Variants in ADAM9 observed in about 807,000 individuals in gnomAD.
ADAM9 encodes the protein disintegrin and metalloproteinase domain-containing protein 9.
ADAM9 carries 54 observed loss-of-function variants against 108.1 expected under a neutral mutation model. The observed-to-expected ratio is 0.50, with a 90% CI of 0.40 to 0.63. ADAM9 has a LOEUF of 0.63. Ranked by LOEUF, ADAM9 falls within the 20% of genes least tolerant of loss-of-function variation. The pLI is 0.00. For synonymous variants in ADAM9, 316 were observed against 336.0 expected (o/e 0.94, Z 0.65); for missense variants, 830 against 997.7 (o/e 0.83, Z 2.26).
At chr8:39,035,530 A>T (rs913123641) in intron 11 of ADAM9, among the ~76,000 whole-genome samples, 9 of 152,074 alleles carry the variant, frequency 5.9e-5, no homozygotes, top group African/African-American at 2.2e-4. Flanking sequence ...TTTAAGAATA[A>T]TTTCTAGACC....
At chr8:39,090,558 G>C (rs1423478477) in intron 19 of ADAM9, among the ~76,000 whole-genome samples, 1 of 152,162 alleles carries the variant, frequency 6.6e-6, no homozygotes, top group East Asian at 1.9e-4. Context: ...TTATTTCTCT[G>C]ACCTTTTGAC....
chr8:39,034,910 A>T (rs1163178406), intron 11 of ADAM9, among the ~76,000 whole-genome samples: 1 of 152,330 alleles, frequency 6.6e-6, no homozygotes, highest in East Asian at 1.9e-4. Context: ...ACATTTACAC[A>T]TATATGTCTT....
chr8:39,035,480 T>C (rs1837240523), intron 11 of ADAM9, among the ~76,000 whole-genome samples: 1 of 152,222 alleles, frequency 6.6e-6, no homozygotes, highest in South Asian at 2.1e-4. Context: ...TGGCTTCATG[T>C]GGTATTTTAT....
chr8:39,014,215 T>G, intron 4 of ADAM9, 172 bp downstream of exon 4: 1 of 633,166 alleles, frequency 1.6e-6, no homozygotes, highest in Non-Finnish European at 2.8e-6. Flanking sequence ...TAGACTAAGC[T>G]GTACCTTACA....
intron 1 of ADAM9, among the ~76,000 whole-genome samples, chr8:39,004,666 T>G (rs970812067): frequency 1.3e-5 from 2 of 152,118 alleles, no homozygotes; most frequent in African/African-American, 2.4e-5. Context: ...ATACTGATAG[T>G]TGCTTCTTGG....
intron 12 of ADAM9, among the ~76,000 whole-genome samples, chr8:39,043,819 C>G (rs1190167583): frequency 6.6e-6 from 1 of 152,134 alleles, no homozygotes; most frequent in African/African-American, 2.4e-5. Flanking sequence ...TGTTATTCCA[C>G]TCTGTACATC....
chr8:39,082,196 TGA>T (rs1839045349), intron 16 of ADAM9, among the ~76,000 whole-genome samples: 1 of 152,160 alleles, frequency 6.6e-6, no homozygotes, highest in African/African-American at 2.4e-5. Flanking sequence ...AAAATTAAAA[TGA>T]GTTTTAAATA....
intron 4 of ADAM9, chr8:39,014,815 C>CA (rs900014335): frequency 2.0e-4 from 65 of 333,252 alleles, no homozygotes; most frequent in Middle Eastern, 6.8e-4. Flanking sequence ...AAATAGGAGG[C>CA]AAAAAAATCT....
At chr8:39,080,944 G>A (rs1839002020) in intron 16 of ADAM9, among the ~76,000 whole-genome samples, 1 of 137,766 alleles carries the variant, frequency 7.3e-6, no homozygotes, top group Non-Finnish European at 1.5e-5. Context: ...TTCCCACTGT[G>A]AGAGTTTTTT....
intron 14 of ADAM9, among the ~76,000 whole-genome samples, chr8:39,059,331 C>G (rs981822801): frequency 2.0e-5 from 3 of 152,196 alleles, no homozygotes; most frequent in Admixed American, 6.5e-5. Context: ...AACCTGCCAC[C>G]AGGCAGCTGA....
At chr8:39,074,659 G>A (rs912455476) in intron 15 of ADAM9, among the ~76,000 whole-genome samples, 5 of 151,660 alleles carry the variant, frequency 3.3e-5, no homozygotes, top group Non-Finnish European at 7.4e-5. Flanking sequence ...TTTATAGCCG[G>A]CATTTTCCAA....
At chr8:39,044,228 A>C (rs937054086) in intron 12 of ADAM9, among the ~76,000 whole-genome samples, 1 of 152,100 alleles carries the variant, frequency 6.6e-6, no homozygotes, top group African/African-American at 2.4e-5. Flanking sequence ...TTCAGGCCTT[A>C]TGTTTAAGTC....
chr8:38,999,825 G>A (rs774037784), intron 1 of ADAM9, among the ~76,000 whole-genome samples: 5 of 152,202 alleles, frequency 3.3e-5, no homozygotes, highest in Non-Finnish European at 7.3e-5. Flanking sequence ...TCCCCCAAAA[G>A]ATGCAAGCTC....
At chr8:39,005,382 C>T (rs1836129586) in intron 1 of ADAM9, among the ~76,000 whole-genome samples, 2 of 152,124 alleles carry the variant, frequency 1.3e-5, no homozygotes, top group Non-Finnish European at 1.5e-5. Context: ...TAAGCTTATC[C>T]TGCATTCCTA....
intron 9 of ADAM9, among the ~76,000 whole-genome samples, chr8:39,025,239 C>A (rs1024232888): frequency 6.6e-6 from 1 of 152,034 alleles, no homozygotes; most frequent in Non-Finnish European, 1.5e-5. Context: ...TACAGATGTG[C>A]GCCACCATGG....
intron 11 of ADAM9, 24 bp downstream of exon 11, chr8:39,026,834 C>G: frequency 7.5e-7 from 1 of 1,337,768 alleles, no homozygotes; most frequent in South Asian, 1.2e-5. Context: ...TTCTTCTTCT[C>G]CTTTATTTGG....
chr8:39,045,410 G>GTGTGTGTA lies in ADAM9; in HGVS notation c.1302+3293_1302+3294insTGTGTGTA, dbSNP rs1564301556. 1.8e-4 allele frequency among the ~76,000 whole-genome samples: 4 copies of GTGTGTGTA among 21,852 alleles called. 1 individual carries two copies. The highest frequency in any genetic ancestry group is 8.1e-4 in the African/African-American group (4 of 4,914). The allele number at this position is 21,852 out of a possible 152,430, so 14.3% of individuals were successfully genotyped here. On this transcript the variant is annotated intron_variant, in intron 12 of 21. Transcript: ENST00000487273. ...GGTGTGTGTACACACACCTATATGTGCGCGTGTGTACACACACCTATATGT... is the reference window on the plus strand; with the variant it reads ...GGTGTGTGTACACACACCTATATGTGTGTGTGTACGCGTGTGTACACACACCTATATGT...
intron 8 of ADAM9, among the ~76,000 whole-genome samples, chr8:39,022,832 G>A (rs1336695439): frequency 6.6e-6 from 1 of 151,958 alleles, no homozygotes; most frequent in Admixed American, 6.5e-5. Context: ...TCCTGCCTCA[G>A]CCTCCCAAGT....
intron 5 of ADAM9, 98 bp from the exon 6 acceptor site, chr8:39,017,121 A>G: frequency 4.0e-6 from 5 of 1,243,884 alleles, no homozygotes; most frequent in Non-Finnish European, 5.8e-6. Context: ...TGCTATGCCT[A>G]CTTACACATT....
Sources: gnomAD v4.1 joint callset for allele counts (sites outside exome capture counted in the v4.1 genomes callset) on GRCh38, gnomAD v4.1.1 for gene constraint, MANE v1.5 for transcripts, NCBI Gene and HGNC (gene_info 2026-07-23, HGNC 2026-07-21) for gene names.